GCNT1: variants seen among roughly 807,000 people sequenced by gnomAD.
The protein encoded by GCNT1 is glucosaminyl (N-acetyl) transferase 1.
Under a neutral mutation model 26.2 loss-of-function variants are expected in GCNT1, and 16 were observed. That is an observed-to-expected ratio of 0.61 (90% CI 0.41 to 0.93). The LOEUF (loss-of-function observed/expected upper bound fraction) is 0.93, where lower values mean the gene tolerates loss of function less well. GCNT1 is among the 40% of genes least tolerant of loss of function. The probability of loss-of-function intolerance (pLI) is 0.00; values close to 1 mark genes in which losing one functional copy is unlikely to be tolerated. For missense variants in GCNT1, 477 were observed against 526.7 expected (o/e 0.91, Z 0.92); for synonymous variants, 183 against 190.8 (o/e 0.96, Z 0.34).
intron 2 of GCNT1, among the ~76,000 whole-genome samples, chr9:76,475,577 G>T (rs74952461): frequency 0.018 from 2,740 of 152,268 alleles, 70 homozygotes; most frequent in African/African-American, 0.063. Flanking sequence ...TAGACCCACG[G>T]AGTAGTGTGG....
In GCNT1 at chr9:76,505,636, C is replaced by CGGT. The variant is rs1554740263; in HGVS notation, c.*1968_*1969insGGT. ...TTGCAAATCTACAGCAAAAGTAAAA[C>CGGT]AGTAGAGTGAACACCATGTAACCCT... is the stretch of plus-strand genomic sequence containing the variant. On this transcript the variant is annotated 3_prime_UTR_variant, in exon 4 of 4. Coordinates refer to ENST00000376730, the MANE Select transcript of GCNT1 (RefSeq NM_001490.5). 1 of 166,590 alleles carries CGGT rather than the reference C, an allele frequency of 6.0e-6. No individual in the cohort carries two copies. Among genetic ancestry groups the CGGT allele is most frequent in the African/African-American group, 2.4e-5 (1 of 41,238 alleles). 10.3% of individuals were successfully genotyped at this position (166,590 alleles called of 1,614,324 possible). A position where few individuals can be genotyped will look rare whatever the true frequency, so the allele number is the denominator to read the frequency against.
At chr9:76,485,659 A>C (rs781401069) in intron 2 of GCNT1, among the ~76,000 whole-genome samples, 31 of 151,802 alleles carry the variant, frequency 2.0e-4, no homozygotes, top group Non-Finnish European at 3.8e-4. Context: ...TCATCTTGGG[A>C]TCTGTCTTTG....
chr9:76,489,908 C>T (rs1316768103), intron 2 of GCNT1, among the ~76,000 whole-genome samples: 1 of 152,180 alleles, frequency 6.6e-6, no homozygotes, highest in African/African-American at 2.4e-5. Context: ...GTCCAGGGGT[C>T]CTCAGTAGAA....
intron 1 of GCNT1, among the ~76,000 whole-genome samples, chr9:76,442,977 G>C (rs1483266553): frequency 6.6e-6 from 1 of 152,144 alleles, no homozygotes; most frequent in East Asian, 1.9e-4. Flanking sequence ...GGGCATGAGA[G>C]GAAGCAGGAG....
intron 1 of GCNT1, among the ~76,000 whole-genome samples, chr9:76,451,937 TTTC>T (rs1309649819): frequency 1.5e-5 from 2 of 131,596 alleles, no homozygotes; most frequent in Non-Finnish European, 1.6e-5. Flanking sequence ...TTTCTTTTCT[TTTC>T]TTTCTTTCTT....
the GCNT1 span, among the ~76,000 whole-genome samples, chr9:76,402,515 C>G: frequency 5.0e-3 from 764 of 152,246 alleles, 8 homozygotes; most frequent in Non-Finnish European, 5.3e-3. Flanking sequence ...AGCCTACGAC[C>G]TACTAAACCC....
chr9:76,461,194 CT>C (rs71372085), intron 2 of GCNT1, among the ~76,000 whole-genome samples: 72,640 of 125,504 alleles, frequency 0.58, 20,837 homozygotes, highest in East Asian at 0.82. Flanking sequence ...GTGTAGGCAG[CT>C]TTTTTTTTTT....
chr9:76,414,713 T>A, the GCNT1 span, among the ~76,000 whole-genome samples: 3 of 152,168 alleles, frequency 2.0e-5, no homozygotes, highest in Admixed American at 2.0e-4. Flanking sequence ...AGTGGGAGTG[T>A]CTTTTAGCAT....
chr9:76,428,699 ATTT>A (rs5898475), intron 1 of GCNT1, among the ~76,000 whole-genome samples: 2 of 130,098 alleles, frequency 1.5e-5, no homozygotes, highest in African/African-American at 5.7e-5. Flanking sequence ...TGCGTATTCT[ATTT>A]TTTTTTTTTT....
intron 2 of GCNT1, among the ~76,000 whole-genome samples, chr9:76,484,383 A>C (rs888816084): frequency 7.9e-5 from 12 of 151,140 alleles, no homozygotes; most frequent in African/African-American, 2.9e-4. Flanking sequence ...AAAAAAAAAA[A>C]GAGAGAGAAA....
the GCNT1 span, chr9:76,394,424 A>C: frequency 1.3e-5 from 5 of 395,568 alleles, no homozygotes; most frequent in Non-Finnish European, 1.3e-5. Flanking sequence ...AGCCGAAGTA[A>C]GTGCCGGGTG....
At chr9:76,394,117 C>A in the GCNT1 span, 2 of 1,609,276 alleles carry the variant, frequency 1.2e-6, no homozygotes, top group Non-Finnish European at 1.7e-6. Context: ...TGCTTGGAGC[C>A]GCGGCCGAAG....
At chr9:76,476,808 C>G (rs1038557400) in intron 2 of GCNT1, among the ~76,000 whole-genome samples, 1 of 152,206 alleles carries the variant, frequency 6.6e-6, no homozygotes, top group Admixed American at 6.5e-5. Context: ...TTTCATGACA[C>G]TAAACTCAAA....
chr9:76,503,435 A>T lies in GCNT1; in HGVS notation c.1054A>T (p.Arg352Trp), dbSNP rs2131647478. 6.2e-7 allele frequency: 1 copy of T among 1,614,114 alleles called. No individual in the cohort carries two copies. Residue 352 changes from arginine (R) to tryptophan (W), a missense_variant, in exon 4 of 4, where the codon AGG becomes TGG. Physicochemically the swap from Arg to Trp is moderately radical, Grantham distance 101. Coordinates refer to ENST00000376730, the MANE Select transcript of GCNT1 (RefSeq NM_001490.5). Reference sequence around the variant, plus strand: ...TCTGTCTGACATGCAAGCAGTTGCCAGGTTTGTCAAGTGGCAGTACTTTGA... The same window carrying T: ...TCTGTCTGACATGCAAGCAGTTGCCTGGTTTGTCAAGTGGCAGTACTTTGA... ...YDLSDMQAVA[R>W]FVKWQYFEGD...
chr9:76,419,582 C>T (rs1823163867), upstream of GCNT1, among the ~76,000 whole-genome samples: 1 of 151,958 alleles, frequency 6.6e-6, no homozygotes, highest in African/African-American at 2.4e-5. Context: ...CCCTTGAGCC[C>T]AAGATGTCTA....
At chr9:76,403,536 TAAG>T in the GCNT1 span, among the ~76,000 whole-genome samples, 2 of 152,172 alleles carry the variant, frequency 1.3e-5, no homozygotes, top group African/African-American at 4.8e-5. Context: ...ACACATGAAA[TAAG>T]AACTGCAAAT....
chr9:76,488,404 G>A (rs907535255), intron 2 of GCNT1, among the ~76,000 whole-genome samples: 29 of 151,958 alleles, frequency 1.9e-4, no homozygotes, highest in Admixed American at 1.3e-3. Flanking sequence ...TGTATGTTTT[G>A]TTTTATTTTC....
the GCNT1 span, among the ~76,000 whole-genome samples, chr9:76,414,725 C>G: frequency 6.6e-6 from 1 of 152,162 alleles, no homozygotes; most frequent in African/African-American, 2.4e-5. Context: ...TTTTAGCATG[C>G]TAATGCATTA....
chr9:76,409,359 G>A, the GCNT1 span, among the ~76,000 whole-genome samples: 13 of 152,132 alleles, frequency 8.5e-5, no homozygotes, highest in Non-Finnish European at 1.6e-4. Flanking sequence ...AGCCTGGCTA[G>A]AGGCTTATTG....
Sources: gnomAD v4.1 joint callset for allele counts (sites outside exome capture counted in the v4.1 genomes callset) on GRCh38, gnomAD v4.1.1 for gene constraint, MANE v1.5 for transcripts, NCBI Gene and HGNC (gene_info 2026-07-23, HGNC 2026-07-21) for gene names.